The following GPC6 variants were observed in gnomAD, a reference collection of about 807,000 sequenced individuals.
The protein encoded by GPC6 is glypican-6.
Under a neutral mutation model 55.2 loss-of-function variants are expected in GPC6, and 14 were observed. The observed-to-expected ratio is 0.25, with a 90% CI of 0.17 to 0.40. The LOEUF (loss-of-function observed/expected upper bound fraction) is 0.40. Ranked by LOEUF, GPC6 falls within the 10% of genes least tolerant of loss-of-function variation. The pLI is 1.00. For missense variants in GPC6, 641 were observed against 708.5 expected (o/e 0.90, Z 1.08); for synonymous variants, 278 against 259.6 (o/e 1.07, Z -0.68).
chr13:93,859,682 C>G lies in GPC6; in HGVS notation c.711+29137C>G, dbSNP rs1888746022. Among the ~76,000 whole-genome samples the G allele has an allele frequency of 3.8e-5, 5 of 132,478 alleles. No individual in the cohort carries two copies. The South Asian group carries it at 1.1e-3, about 30-fold the overall frequency. The allele number at this position is 132,478 out of a possible 152,430, so 86.9% of individuals were successfully genotyped here. A position where few individuals can be genotyped will look rare whatever the true frequency, so the allele number is the denominator to read the frequency against. ...TTTGGGGAGAGCGGGGAGCACAATT[C>G]AAGTCTTAACAACCATGTAAGCATT... On this transcript the variant is annotated intron_variant, in intron 3 of 8. Transcript: ENST00000377047.
intron 1 of GPC6, among the ~76,000 whole-genome samples, chr13:93,369,119 G>A (rs1041486852): frequency 6.6e-6 from 1 of 151,934 alleles, no homozygotes; most frequent in African/African-American, 2.4e-5. Context: ...ATTGGTGGGT[G>A]GGGGTAGAAG....
At chr13:94,167,181 T>A (rs1406833986) in intron 4 of GPC6, among the ~76,000 whole-genome samples, 2 of 152,182 alleles carry the variant, frequency 1.3e-5, no homozygotes, top group Non-Finnish European at 1.5e-5. Context: ...TCATTTAATT[T>A]CTGACAACTT....
At chr13:93,308,146 C>A (rs1878939772) in intron 1 of GPC6, among the ~76,000 whole-genome samples, 1 of 151,844 alleles carries the variant, frequency 6.6e-6, no homozygotes, top group Non-Finnish European at 1.5e-5. Context: ...TTAGCCGGGC[C>A]TGGTGGCGGG....
chr13:93,879,549 A>C (rs1178036390), intron 3 of GPC6, among the ~76,000 whole-genome samples: 1 of 151,698 alleles, frequency 6.6e-6, no homozygotes, highest in Admixed American at 6.6e-5. Flanking sequence ...CTTACACCTT[A>C]TACAAAAATC....
At chr13:93,687,583 C>T (rs1347071745) in intron 2 of GPC6, among the ~76,000 whole-genome samples, 1 of 152,042 alleles carries the variant, frequency 6.6e-6, no homozygotes, top group Non-Finnish European at 1.5e-5. Flanking sequence ...TTGGCCTTGA[C>T]TTATTTGCTT....
intron 2 of GPC6, among the ~76,000 whole-genome samples, chr13:93,647,474 G>T (rs994649047): frequency 1.3e-5 from 2 of 152,108 alleles, no homozygotes. Flanking sequence ...TTCTGGGGAG[G>T]AACATAAGAC....
chr13:93,789,914 A>G (rs1885973870), intron 2 of GPC6, among the ~76,000 whole-genome samples: 1 of 152,028 alleles, frequency 6.6e-6, no homozygotes. Flanking sequence ...GTTTGCCCAC[A>G]GCATCAAATA....
intron 3 of GPC6, among the ~76,000 whole-genome samples, chr13:93,896,632 A>G (rs1173256242): frequency 6.6e-6 from 1 of 152,110 alleles, no homozygotes; most frequent in African/African-American, 2.4e-5. Flanking sequence ...CAAAATTATC[A>G]TTTAAGTTGA....
At chr13:94,230,143 G>T (rs1406671993) in intron 4 of GPC6, among the ~76,000 whole-genome samples, 2 of 151,948 alleles carry the variant, frequency 1.3e-5, no homozygotes, top group Non-Finnish European at 2.9e-5. Flanking sequence ...TTCCTCATGG[G>T]GTCACTGGAA....
intron 4 of GPC6, among the ~76,000 whole-genome samples, chr13:94,156,623 T>G (rs541134): frequency 0.57 from 86,278 of 152,040 alleles, 26,288 homozygotes; most frequent in Non-Finnish European, 0.67. Context: ...ATGAATACTT[T>G]GTGAGGCTGC....
At chr13:93,821,190 T>A (rs1017196896) in intron 2 of GPC6, among the ~76,000 whole-genome samples, 6 of 152,206 alleles carry the variant, frequency 3.9e-5, no homozygotes, top group Non-Finnish European at 8.8e-5. Flanking sequence ...TCATCTTTTG[T>A]TGTTGGTTTT....
At chr13:94,253,246 T>A (rs1309087711) in intron 4 of GPC6, among the ~76,000 whole-genome samples, 1 of 152,088 alleles carries the variant, frequency 6.6e-6, no homozygotes, top group Non-Finnish European at 1.5e-5. Context: ...AAGAGGGTGG[T>A]CTGCGTTCCC....
At chr13:94,287,002 A>T (rs948348139) in intron 5 of GPC6, among the ~76,000 whole-genome samples, 1 of 152,218 alleles carries the variant, frequency 6.6e-6, no homozygotes, top group African/African-American at 2.4e-5. Context: ...AGCACACATG[A>T]AAAGAAAAAA....
chr13:93,526,839 A>C (rs1211661518), intron 1 of GPC6, among the ~76,000 whole-genome samples: 1 of 152,066 alleles, frequency 6.6e-6, no homozygotes, highest in Admixed American at 6.6e-5. Context: ...TATTTTGCAT[A>C]TTTTGATTTA....
intron 5 of GPC6, among the ~76,000 whole-genome samples, chr13:94,300,374 A>T (rs1875585240): frequency 6.6e-6 from 1 of 152,198 alleles, no homozygotes; most frequent in Non-Finnish European, 1.5e-5. Context: ...AATATTTTTA[A>T]AGGAAAAATA....
chr13:94,119,918 G>A (rs1346421982), intron 4 of GPC6, among the ~76,000 whole-genome samples: 2 of 152,062 alleles, frequency 1.3e-5, no homozygotes, highest in Admixed American at 6.6e-5. Flanking sequence ...GAAGGGAAGT[G>A]CAGCGGTACC....
intron 1 of GPC6, among the ~76,000 whole-genome samples, chr13:93,418,436 A>G (rs114410054): frequency 2.0e-4 from 30 of 151,246 alleles, no homozygotes; most frequent in African/African-American, 6.8e-4. Context: ...CCATAGTATT[A>G]CTTTATTAAT....
intron 1 of GPC6, among the ~76,000 whole-genome samples, chr13:93,278,447 C>T (rs969286310): frequency 6.6e-6 from 1 of 152,152 alleles, no homozygotes; most frequent in African/African-American, 2.4e-5. Context: ...GCATCCAGCC[C>T]TTGGCAACCA....
At chr13:93,425,986 C>G (rs1877112187) in intron 1 of GPC6, among the ~76,000 whole-genome samples, 1 of 152,144 alleles carries the variant, frequency 6.6e-6, no homozygotes, top group East Asian at 1.9e-4. Flanking sequence ...AATTGAATGT[C>G]ATTTCCTCTT....
Sources: gnomAD v4.1 joint callset for allele counts (sites outside exome capture counted in the v4.1 genomes callset) on GRCh38, gnomAD v4.1.1 for gene constraint, MANE v1.5 for transcripts, NCBI Gene and HGNC (gene_info 2026-07-23, HGNC 2026-07-21) for gene names.